The following GAS2L1 variants were observed in gnomAD, a reference collection of about 807,000 sequenced individuals.
GAS2L1 encodes GAS2-like protein 1.
GAS2L1 carries 26 observed loss-of-function variants against 44.0 expected under a neutral mutation model. The observed-to-expected ratio is 0.59, with a 90% CI of 0.43 to 0.82. The LOEUF is 0.82. Among genes scored for constraint, GAS2L1 ranks in the 40% least tolerant of loss-of-function variants. The probability of loss-of-function intolerance (pLI) is 0.00; values close to 1 mark genes in which losing one functional copy is unlikely to be tolerated. For synonymous variants in GAS2L1, 426 were observed against 415.9 expected (o/e 1.02, Z -0.30); for missense variants, 1,006 against 983.0 (o/e 1.02, Z -0.31).
chr22:29,311,854 G>T lies in GAS2L1; in HGVS notation c.1403G>T (p.Gly468Val), dbSNP rs778680466. ...AGGGGCAGGGGCAGTGGGGGCTCGG[G>T]CAGGAGCACCCCCCAGACTCCCCGT... Residue 468 changes from glycine to valine, a missense_variant, in exon 5 of 5, where the codon GGC (glycine) becomes GTC (valine). Gly to Val is a moderately radical substitution (Grantham distance 109). Transcript: ENST00000618518. 5.4e-5 allele frequency: 86 copies of T among 1,594,460 alleles called. No homozygotes were observed. In the East Asian group the frequency reaches 1.8e-3, roughly 33 times the overall value.
At chr22:29,312,183 G>C in exon 5 of GAS2L1, 1 of 1,613,074 alleles carries the variant, frequency 6.2e-7, no homozygotes, top group Non-Finnish European at 8.5e-7. Flanking sequence ...TGGCAAATGT[G>C]GCCAACCTGG....
At chr22:29,307,996 T>A in exon 1 of GAS2L1, 1 of 865,834 alleles carries the variant, frequency 1.2e-6, no homozygotes, top group Non-Finnish European at 1.6e-6. Context: ...TTGGCCTGAG[T>A]GACAGACTGG....
exon 2 of GAS2L1, chr22:29,310,544 C>G (rs375162998): frequency 1.3e-6 from 2 of 1,599,178 alleles, no homozygotes; most frequent in Non-Finnish European, 1.7e-6. Context: ...CATCTTTGTG[C>G]GGGTAAGGGC....
At chr22:29,310,343 G>T (rs911740953) in intron 1 of GAS2L1, 96 bp from the exon 3 acceptor site, 9 of 713,612 alleles carry the variant, frequency 1.3e-5, no homozygotes, top group Non-Finnish European at 2.0e-5. Context: ...CCACTTACCC[G>T]GAAAGCCTGA....
exon 3 of GAS2L1, chr22:29,310,638 G>A: frequency 6.2e-7 from 1 of 1,607,760 alleles, no homozygotes; most frequent in Non-Finnish European, 8.5e-7. Flanking sequence ...ACACCTGCAG[G>A]TGCTGAGGAG....
rs566455431 is a variant in GAS2L1, at chr22:29,311,449, C to T, written c.1011-13C>T. On this transcript the variant is annotated splice_polypyrimidine_tract_variant and intron_variant, in intron 4 of 4. Transcript: ENST00000618518. ...GTGGTACCCCATCTGTCTCTATTGT[C>T]CCCCTGCCCCAGGCCCCGGGATCAG... The T allele has an allele frequency of 1.2e-5, 13 of 1,060,272 alleles. No homozygotes were observed. Among genetic ancestry groups the T allele is most frequent in the Non-Finnish European group, 1.4e-5 (10 of 731,906 alleles). The allele number at this position is 1,060,272 out of a possible 1,614,324, so 65.7% of individuals were successfully genotyped here.
intron 1 of GAS2L1, 21 bp downstream of exon 2, chr22:29,308,759 TGCCAGGGACCCGACAGCACA>T (rs763124341): frequency 1.4e-6 from 2 of 1,476,250 alleles, no homozygotes; most frequent in Admixed American, 2.4e-5. Flanking sequence ...CAGCACCAGG[TGCCAGGGACCCGACAGCACA>T]GCCAGTGCCT....
At chr22:29,311,911 G>T in exon 5 of GAS2L1, 1 of 1,602,516 alleles carries the variant, frequency 6.2e-7, no homozygotes, top group Non-Finnish European at 8.5e-7. Context: ...CGGCTTTCCC[G>T]GGTCTCCAGC....
At chr22:29,307,084 C>A (rs1569137612) in exon 1 of GAS2L1, 1 of 151,964 alleles carries the variant, frequency 6.6e-6, no homozygotes, top group Non-Finnish European at 1.5e-5. Flanking sequence ...GGCGGCGCCT[C>A]CCTGCGGCGG....
chr22:29,310,307 C>T (rs1386305990), intron 1 of GAS2L1, 132 bp from the exon 3 acceptor site: 9 of 643,110 alleles, frequency 1.4e-5, no homozygotes, highest in Non-Finnish European at 2.3e-5. Flanking sequence ...GAAGCTGTAC[C>T]CCATCCGGGG....
At chr22:29,307,861 G>C (rs1429404825) in exon 1 of GAS2L1, 6 of 378,570 alleles carry the variant, frequency 1.6e-5, no homozygotes, top group Non-Finnish European at 2.3e-5. Context: ...ACACTTAATG[G>C]ACCCTAAATT....
intron 1 of GAS2L1, among the ~76,000 whole-genome samples, chr22:29,309,895 C>T (rs902272438): frequency 1.3e-5 from 2 of 152,188 alleles, no homozygotes; most frequent in Admixed American, 6.5e-5. Context: ...CAGACCATGG[C>T]CTGACCACAG....
exon 1 of GAS2L1, chr22:29,307,073 GGGCGGCGCCTCCCTGC>G (rs1221946120): frequency 3.3e-5 from 5 of 151,880 alleles, no homozygotes; most frequent in Non-Finnish European, 7.4e-5. Flanking sequence ...GCTGCGGCTC[GGGCGGCGCCTCCCTGC>G]GGCGGCCCGG....
chr22:29,311,682 C>A (rs1479572995), exon 5 of GAS2L1: 1 of 1,518,762 alleles, frequency 6.6e-7, no homozygotes, highest in Admixed American at 2.0e-5. Flanking sequence ...CCGGCTGGAT[C>A]GCGGCCGGCC....
chr22:29,312,471 A>G, exon 5 of GAS2L1: 1 of 1,512,728 alleles, frequency 6.6e-7, no homozygotes, highest in Non-Finnish European at 8.8e-7. Flanking sequence ...AGTCACCCCG[A>G]GGGCTGAGCC....
exon 5 of GAS2L1, chr22:29,311,511 G>A: frequency 6.5e-7 from 1 of 1,534,340 alleles, no homozygotes; most frequent in Non-Finnish European, 8.8e-7. Context: ...CTACTCCGGG[G>A]ACAGTGACTC....
At chr22:29,312,284 G>A (rs746039596) in exon 5 of GAS2L1, 63 of 1,609,102 alleles carry the variant, frequency 3.9e-5, no homozygotes, top group Admixed American at 5.0e-5. Flanking sequence ...GCCCTGGCAT[G>A]GGGGGGCCAC....
At position 29,308,477 on chromosome 22, in the gene GAS2L1, TGAGGACCTGGTGCTGCGCAA is replaced by T; in HGVS notation, c.375_394del (p.Asp126ArgfsTer29). ...TGCCGGAGGTGCTCATGTTTGAGAC[TGAGGACCTGGTGCTGCGCAA>T]GAACGAGAAGAGCGTGGTGCTGTGC... On this transcript the variant is annotated frameshift_variant, in exon 1 of 5. Transcript: ENST00000618518. LOFTEE classifies it high-confidence loss of function. The T allele has an allele frequency of 6.2e-7, 1 of 1,608,598 alleles. No individual in the cohort carries two copies. The highest frequency in any genetic ancestry group is 1.7e-4 in the Middle Eastern group (1 of 6,060).
At chr22:29,312,531 T>G in exon 5 of GAS2L1, 1 of 1,434,562 alleles carries the variant, frequency 7.0e-7, no homozygotes, top group South Asian at 1.5e-5. Flanking sequence ...ACCCCATCCC[T>G]TCTCCTTTTC....
Sources: gnomAD v4.1 joint callset for allele counts (sites outside exome capture counted in the v4.1 genomes callset) on GRCh38, gnomAD v4.1.1 for gene constraint, MANE v1.5 for transcripts, NCBI Gene and HGNC (gene_info 2026-07-23, HGNC 2026-07-21) for gene names.